The following PTPN3 variants were observed in gnomAD, a reference collection of about 807,000 sequenced individuals.
The protein encoded by PTPN3 is tyrosine-protein phosphatase non-receptor type 3.
PTPN3 carries 96 observed loss-of-function variants against 132.7 expected under a neutral mutation model. That is an observed-to-expected ratio of 0.72 (90% CI 0.61 to 0.86). The LOEUF is 0.86. Ranked by LOEUF, PTPN3 falls within the 40% of genes least tolerant of loss-of-function variation. The pLI is 0.00. For missense variants in PTPN3, 1,125 were observed against 1,159.6 expected, an observed-to-expected ratio of 0.97 and a Z score of 0.43; for synonymous variants, 398 against 429.0, an observed-to-expected ratio of 0.93 and a Z score of 0.89.
chr9:109,499,913 AC>A (rs1847836988), upstream of PTPN3, among the ~76,000 whole-genome samples: 1 of 152,130 alleles, frequency 6.6e-6, no homozygotes, highest in East Asian at 1.9e-4. Context: ...CCCGCTCAGC[AC>A]CACTCGGACG....
the PTPN3 span, among the ~76,000 whole-genome samples, chr9:109,509,376 C>T: frequency 2.0e-5 from 3 of 152,164 alleles, no homozygotes; most frequent in Non-Finnish European, 4.4e-5. Flanking sequence ...CTCAATCCTG[C>T]GCAATCTGCA....
rs189256306 is a variant in PTPN3, at chr9:109,389,321, G to A, written c.2165C>T (p.Pro722Leu). 5.6e-6 allele frequency: 9 copies of A among 1,614,126 alleles called. No homozygotes were observed. Among genetic ancestry groups the A allele is most frequent in the African/African-American group, 2.7e-5 (2 of 75,044 alleles). Residue 722 changes from proline to leucine, a missense_variant, in exon 22 of 26, where the codon CCG (proline) becomes CTG (leucine). Physicochemically the swap from Pro to Leu is moderately conservative, Grantham distance 98. Transcript: ENST00000374541. ...CTGCCAAAACTGTGCACAGGTATGC[G>A]GCAGGGGCCCCTGAGTGGCGATGTA... Reference protein sequence around the residue: ...NKYIATQGPLPHTCAQFWQVV... With the variant: ...NKYIATQGPLLHTCAQFWQVV...
At chr9:109,445,397 C>T in intron 6 of PTPN3, 105 bp from the exon 7 acceptor site, 1 of 1,029,286 alleles carries the variant, frequency 9.7e-7, no homozygotes, top group Non-Finnish European at 1.5e-6. Flanking sequence ...TTTGATCAAC[C>T]ATTACAAAAC....
intron 16 of PTPN3, 64 bp from the exon 17 acceptor site, chr9:109,408,441 A>C (rs78125805): frequency 2.1e-5 from 14 of 673,072 alleles, no homozygotes; most frequent in South Asian, 1.3e-4. Context: ...AACAAACAAA[A>C]AAACGAGTAG....
intron 1 of PTPN3, among the ~76,000 whole-genome samples, chr9:109,496,579 T>A (rs1335272255): frequency 6.6e-6 from 1 of 152,260 alleles, no homozygotes; most frequent in Non-Finnish European, 1.5e-5. Flanking sequence ...AATAAGACGA[T>A]ACAGGTGAAT....
At chr9:109,462,297 C>T (rs1345119319) in intron 2 of PTPN3, among the ~76,000 whole-genome samples, 1 of 152,250 alleles carries the variant, frequency 6.6e-6, no homozygotes, top group African/African-American at 2.4e-5. Flanking sequence ...CGTGCTAAAA[C>T]TCCACGCAAA....
chr9:109,445,483 A>T (rs1108497), intron 6 of PTPN3, among the ~76,000 whole-genome samples, 191 bp from the exon 7 acceptor site: 29,494 of 152,162 alleles, frequency 0.19, 3,226 homozygotes, highest in Admixed American at 0.3. Flanking sequence ...AAAATTTTTT[A>T]AAAATAAAAC....
chr9:109,473,269 GCT>G (rs774925400), intron 1 of PTPN3, among the ~76,000 whole-genome samples: 1 of 152,182 alleles, frequency 6.6e-6, no homozygotes, highest in South Asian at 2.1e-4. Flanking sequence ...TCGGGGAGTG[GCT>G]CTCTGACTGA....
chr9:109,406,553 G>A lies in PTPN3; in HGVS notation c.1701C>T (p.Ile567=), dbSNP rs1841582037. The A allele has an allele frequency of 2.5e-6, 4 of 1,614,184 alleles. No individual in the cohort carries two copies. The South Asian group carries it at 3.3e-5, about 13-fold the overall frequency. Residue 567 remains isoleucine, a synonymous_variant, in exon 18 of 26, where the codon ATC becomes ATT. Transcript: ENST00000374541. ...DQIVLINGRD[I]SEHTHDQVVM... is the part of the protein sequence containing the mutation. Reference sequence around the variant, plus strand: ...CCACTTGGTCATGCGTGTGTTCTGAGATGTCCCGGCCATTGATTAACACGA... The same window carrying A: ...CCACTTGGTCATGCGTGTGTTCTGAAATGTCCCGGCCATTGATTAACACGA...
At position 109,379,573 on chromosome 9, in the gene PTPN3, T is replaced by C. The variant is rs1838849322; in HGVS notation, c.2725A>G (p.Met909Val). 1 of 1,613,960 alleles carries C rather than the reference T, an allele frequency of 6.2e-7. No individual in the cohort carries two copies. The highest frequency in any genetic ancestry group is 8.5e-7 in the Non-Finnish European group (1 of 1,179,838). Residue 909 changes from methionine (M) to valine (V), a missense_variant, in exon 26 of 26, where the codon ATG (methionine) becomes GTG (valine). Transcript: ENST00000374541. ...LRVYEEGLVQ[M>V]LDPS ...CAGTTGTCTTAACTAGGATCCAGCA[T>C]TTGGACTAAACCTTCTTCATACACA...
chr9:109,483,776 T>G (rs915603705), intron 1 of PTPN3, among the ~76,000 whole-genome samples: 5 of 152,076 alleles, frequency 3.3e-5, no homozygotes, highest in African/African-American at 7.2e-5. Context: ...CCCTTTGAGG[T>G]GTCTCCAAGC....
the PTPN3 span, among the ~76,000 whole-genome samples, chr9:109,521,836 T>C: frequency 2.0e-5 from 3 of 152,200 alleles, no homozygotes; most frequent in African/African-American, 7.2e-5. Context: ...ACTATTATGT[T>C]AGAACTAATA....
intron 19 of PTPN3, 27 bp downstream of exon 19, chr9:109,404,421 T>C (rs374022226): frequency 1.2e-4 from 168 of 1,366,464 alleles, no homozygotes; most frequent in Non-Finnish European, 1.5e-4. Flanking sequence ...GACATGGCAG[T>C]GGGATTCAGC....
intron 19 of PTPN3, among the ~76,000 whole-genome samples, chr9:109,403,509 T>A (rs1349038498): frequency 6.6e-6 from 1 of 152,186 alleles, no homozygotes; most frequent in Non-Finnish European, 1.5e-5. Context: ...TTTCTTTTAT[T>A]ACAGGAATTA....
intron 5 of PTPN3, 38 bp from the exon 6 acceptor site, chr9:109,448,893 TG>T: frequency 1.4e-6 from 2 of 1,414,200 alleles, no homozygotes; most frequent in Non-Finnish European, 1.8e-6. Context: ...ATACTCAAAC[TG>T]AAATAAGCAA....
At position 109,412,459 on chromosome 9, in the gene PTPN3, C is replaced by T. The variant is rs145087668; in HGVS notation, c.1314-2044G>A. On this transcript the variant is annotated intron_variant, in intron 14 of 25. Coordinates refer to ENST00000374541, the MANE Select transcript of PTPN3 (RefSeq NM_002829.4). The stretch of plus-strand genomic sequence containing the variant: ...TGCAATCTCGGCTCACTGCAACCTC[C>T]GCCTCCCGGGTTCAAATGATTCTCC... Among the ~76,000 whole-genome samples, 6 of 152,118 alleles carry T rather than the reference C, an allele frequency of 3.9e-5. No homozygotes were observed. In the East Asian group the frequency reaches 5.8e-4, roughly 15 times the overall value.
intron 1 of PTPN3, among the ~76,000 whole-genome samples, chr9:109,497,038 C>G (rs1005081036): frequency 6.6e-6 from 1 of 152,156 alleles, no homozygotes; most frequent in Non-Finnish European, 1.5e-5. Flanking sequence ...GTAAGTGAAG[C>G]CAACTGCCAA....
Position 109,454,586 on chromosome 9 carries a change from T to C in PTPN3, c.290-12A>G. The stretch of plus-strand genomic sequence containing the variant: ...ACAGGGGAAACCTCCTACAACATTT[T>C]TCAAAAACAAATTAAATTTTCCCTT... On this transcript the variant is annotated splice_polypyrimidine_tract_variant and intron_variant, in intron 4 of 25. Transcript: ENST00000374541. 6.2e-7 allele frequency: 1 copy of C among 1,604,144 alleles called. No individual in the cohort carries two copies. The highest frequency in any genetic ancestry group is 8.5e-7 in the Non-Finnish European group (1 of 1,172,364).
At chr9:109,402,059 C>T (rs1291184451) in intron 19 of PTPN3, among the ~76,000 whole-genome samples, 1 of 152,166 alleles carries the variant, frequency 6.6e-6, no homozygotes, top group Admixed American at 6.5e-5. Flanking sequence ...CATCAGGTTC[C>T]TGATCCAGGG....
Sources: gnomAD v4.1 joint callset for allele counts (sites outside exome capture counted in the v4.1 genomes callset) on GRCh38, gnomAD v4.1.1 for gene constraint, MANE v1.5 for transcripts, NCBI Gene and HGNC (gene_info 2026-07-23, HGNC 2026-07-21) for gene names.